Variants in TCF20 observed in about 807,000 individuals in gnomAD.
The protein encoded by TCF20 is transcription factor 20.
TCF20 carries 3 observed loss-of-function variants against 148.6 expected under a neutral mutation model. The ratio of observed to expected loss-of-function variants is 0.02; its 90% CI spans 0.01 to 0.05. TCF20 has a LOEUF of 0.05. Among genes scored for constraint, TCF20 ranks in the 10% least tolerant of loss-of-function variants. The probability of loss-of-function intolerance (pLI) is 1.00; values close to 1 mark genes in which losing one functional copy is unlikely to be tolerated. For missense variants in TCF20, 2,350 were observed against 2,429.3 expected, an observed-to-expected ratio of 0.97 and a Z score of 0.69; for synonymous variants, 1,049 against 909.5, an observed-to-expected ratio of 1.15 and a Z score of -2.76.
At chr22:42,226,416 T>C (rs1922898868) in intron 1 of TCF20, among the ~76,000 whole-genome samples, 1 of 152,164 alleles carries the variant, frequency 6.6e-6, no homozygotes, top group South Asian at 2.1e-4. Flanking sequence ...CAAATATAAT[T>C]TTGAGGCCGG....
chr22:42,195,507 T>C (rs888663345), intron 2 of TCF20, among the ~76,000 whole-genome samples: 1 of 151,646 alleles, frequency 6.6e-6, no homozygotes, highest in African/African-American at 2.4e-5. Context: ...ATACTTTTTT[T>C]TTTTTTTTTT....
intron 2 of TCF20, among the ~76,000 whole-genome samples, chr22:42,185,809 G>T (rs1039013997): frequency 6.6e-6 from 1 of 152,204 alleles, no homozygotes; most frequent in African/African-American, 2.4e-5. Flanking sequence ...AAGCTCATGA[G>T]ACTGGCTGGA....
chr22:42,272,490 C>T (rs548315057), upstream of TCF20, among the ~76,000 whole-genome samples: 2 of 152,206 alleles, frequency 1.3e-5, no homozygotes, highest in Admixed American at 1.3e-4. Context: ...GTCTCAGATG[C>T]AGGGCCCGGG....
At position 42,214,428 on chromosome 22, in the gene TCF20, T is replaced by C; in HGVS notation, c.878A>G (p.Gln293Arg). The change falls in exon 2 of 6, where the codon CAG becomes CGG. Residue 293 changes from glutamine to arginine, a missense_variant. Gln to Arg is a conservative substitution (Grantham distance 43). Transcript: ENST00000677622. ...TTCAAAATTCTTCATAGATTGAGGCTGATAGCTGTAATTGGATTGTGTTCC... is the reference window on the plus strand; with the variant it reads ...TTCAAAATTCTTCATAGATTGAGGCCGATAGCTGTAATTGGATTGTGTTCC... ...AYGTQSNYSYQPQSMKNFEQA... is the reference protein window; with the variant it reads ...AYGTQSNYSYRPQSMKNFEQA... The C allele has an allele frequency of 6.2e-7, 1 of 1,614,228 alleles. No individual in the cohort carries two copies. Among genetic ancestry groups the C allele is most frequent in the Non-Finnish European group, 8.5e-7 (1 of 1,180,038 alleles).
intron 2 of TCF20, among the ~76,000 whole-genome samples, chr22:42,182,401 C>T (rs185609392): frequency 1.8e-4 from 27 of 152,324 alleles, no homozygotes; most frequent in Admixed American, 1.7e-3. Context: ...ATGTGTCAGA[C>T]ATATGCTAGA....
chr22:42,181,545 AG>A (rs1160657839), intron 2 of TCF20, among the ~76,000 whole-genome samples: 1 of 151,296 alleles, frequency 6.6e-6, no homozygotes, highest in African/African-American at 2.4e-5. Context: ...CATTTCTGGT[AG>A]GAAAGTCTGC....
intron 1 of TCF20, among the ~76,000 whole-genome samples, chr22:42,265,579 TTTATC>T (rs1926241605): frequency 6.6e-6 from 1 of 152,048 alleles, no homozygotes. Context: ...ATTGTTTTGC[TTTATC>T]TTGTTACTTT....
At chr22:42,330,694 G>T (rs1927958234) in intron 1 of TCF20, among the ~76,000 whole-genome samples, 1 of 152,184 alleles carries the variant, frequency 6.6e-6, no homozygotes, top group African/African-American at 2.4e-5. Context: ...CATCGGGGTG[G>T]CAGGGCCTGC....
chr22:42,175,628 C>G (rs1021557040), intron 3 of TCF20, among the ~76,000 whole-genome samples: 1 of 152,022 alleles, frequency 6.6e-6, no homozygotes, highest in African/African-American at 2.4e-5. Flanking sequence ...TGTGAGCCAC[C>G]GTGCCTGGCC....
At chr22:42,178,585 CTTTTT>C (rs71184870) in intron 3 of TCF20, among the ~76,000 whole-genome samples, 2 of 78,424 alleles carry the variant, frequency 2.6e-5, no homozygotes, top group Non-Finnish European at 4.9e-5. Flanking sequence ...ACAAATAATT[CTTTTT>C]TTTTTTTTTT....
chr22:42,210,505 C>T lies in TCF20; in HGVS notation c.4801G>A (p.Ala1601Thr). 6.2e-7 allele frequency: 1 copy of T among 1,614,164 alleles called. No homozygotes were observed. The highest frequency in any genetic ancestry group is 1.7e-5 in the Admixed American group (1 of 60,016). ...AQPRKRKTKQ[A>T]VPIVEPQEPE... ...TCTTGGGGTTCCACAATGGGAACTG[C>T]TTGTTTGGTTTTTCGCTTCCTCGGC... The change falls in exon 2 of 6, where the codon GCA (alanine) becomes ACA (threonine). Residue 1601 changes from alanine (A) to threonine (T), a missense_variant. Ala to Thr is a moderately conservative substitution (Grantham distance 58, BLOSUM62 0). Around this residue, in one of 7 missense-constraint regions of TCF20, gnomAD observed 374 missense variants for 398.3 expected, o/e 0.94. Transcript: ENST00000677622. The surrounding 1 kb of genome is among the most constrained non-coding windows in gnomAD (Gnocchi z 4.7).
chr22:42,185,987 T>C (rs1937026917), intron 2 of TCF20, among the ~76,000 whole-genome samples: 1 of 152,230 alleles, frequency 6.6e-6, no homozygotes, highest in Non-Finnish European at 1.5e-5. Flanking sequence ...ACTCAAGTTA[T>C]GGTACATGGA....
At chr22:42,264,915 C>G (rs1047011282) in intron 1 of TCF20, among the ~76,000 whole-genome samples, 1 of 152,212 alleles carries the variant, frequency 6.6e-6, no homozygotes, top group East Asian at 1.9e-4. Context: ...AAGTGGAAAC[C>G]ATCTTCCAAT....
intron 2 of TCF20, among the ~76,000 whole-genome samples, chr22:42,187,887 G>A (rs1239201767): frequency 6.6e-6 from 1 of 152,196 alleles, no homozygotes; most frequent in Non-Finnish European, 1.5e-5. Context: ...TTTTAACACT[G>A]AGCAAACAAA....
intron 1 of TCF20, among the ~76,000 whole-genome samples, chr22:42,280,248 C>T (rs527642844): frequency 1.5e-4 from 23 of 152,332 alleles, no homozygotes; most frequent in Admixed American, 1.4e-3. Context: ...GACCCAAGTC[C>T]GCCTCACACA....
intron 1 of TCF20, among the ~76,000 whole-genome samples, chr22:42,265,763 C>A (rs1029990608): frequency 3.9e-5 from 6 of 152,172 alleles, no homozygotes; most frequent in African/African-American, 1.4e-4. Flanking sequence ...CCCAGTCGAA[C>A]TGAGTGAGAG....
At chr22:42,245,249 G>A (rs6002659) in intron 1 of TCF20, among the ~76,000 whole-genome samples, 93 of 151,950 alleles carry the variant, frequency 6.1e-4, no homozygotes, top group African/African-American at 2.1e-3. Flanking sequence ...CACTATGCCC[G>A]GCTATTTTTA....
At chr22:42,198,414 T>C (rs888074024) in intron 2 of TCF20, among the ~76,000 whole-genome samples, 22 of 152,206 alleles carry the variant, frequency 1.4e-4, no homozygotes, top group East Asian at 1.2e-3. Context: ...CTGGCATCCA[T>C]GGAGGACTGG....
Position 42,214,217 on chromosome 22 carries a change from G to T in TCF20, c.1089C>A (p.Asn363Lys). Residue 363 changes from asparagine (N) to lysine (K), a missense_variant, in exon 2 of 6, where the codon AAC becomes AAA. Around this residue, in one of 7 missense-constraint regions of TCF20, gnomAD observed 1,641 missense variants for 1,662.6 expected, o/e 0.99. Coordinates refer to ENST00000677622, the MANE Select transcript of TCF20 (RefSeq NM_001378418.1). Reference sequence around the variant, plus strand: ...GAGAAGGGTTAGAAATGGGGCTGAAGTTCTGGTGAAACTGCATGGGGGACC... The same window carrying T: ...GAGAAGGGTTAGAAATGGGGCTGAATTTCTGGTGAAACTGCATGGGGGACC... ...PVRSPMQFHQ[N>K]FSPISNPSPA... is the part of the protein sequence containing the mutation. The T allele has an allele frequency of 6.2e-7, 1 of 1,614,248 alleles. No homozygotes were observed. The highest frequency in any genetic ancestry group is 1.1e-5 in the South Asian group (1 of 91,092).
Sources: allele counts gnomAD v4.1 joint callset (sites outside exome capture counted in the v4.1 genomes callset), GRCh38; gene constraint gnomAD v4.1.1; regional missense constraint gnomAD v4.1.1; non-coding constraint Gnocchi (gnomAD v3.1); transcripts MANE v1.5; gene names NCBI Gene and HGNC (gene_info 2026-07-23, HGNC 2026-07-21).